The following NAA35 variants were observed in gnomAD, a reference collection of about 807,000 sequenced individuals.
The protein encoded by NAA35 is MAK10 homolog, amino-acid N-acetyltransferase subunit.
A neutral mutation model predicts 101.7 loss-of-function variants in NAA35; 18 were observed. The ratio of observed to expected loss-of-function variants is 0.18; its 90% CI spans 0.12 to 0.26. NAA35 has a LOEUF of 0.26. Among genes scored for constraint, NAA35 ranks in the 10% least tolerant of loss-of-function variants. The pLI, the probability that NAA35 is intolerant of heterozygous loss-of-function variation, is 1.00. For synonymous variants in NAA35, 267 were observed against 273.1 expected (o/e 0.98, Z 0.22); for missense variants, 601 against 886.8 (o/e 0.68, Z 4.09).
At chr9:85,954,285 G>C (rs1265680002) in intron 2 of NAA35, among the ~76,000 whole-genome samples, 1 of 152,168 alleles carries the variant, frequency 6.6e-6, no homozygotes, top group Non-Finnish European at 1.5e-5. Flanking sequence ...GTCTCACAGT[G>C]TTGCTCAGGC....
chr9:85,945,675 C>A (rs184488771), intron 2 of NAA35, among the ~76,000 whole-genome samples: 1 of 152,024 alleles, frequency 6.6e-6, no homozygotes, highest in Admixed American at 6.6e-5. Flanking sequence ...CCCGTCACCA[C>A]GCCTGGCTAA....
chr9:86,007,006 G>A (rs368275630), intron 13 of NAA35, among the ~76,000 whole-genome samples: 2 of 151,962 alleles, frequency 1.3e-5, no homozygotes. Context: ...GAGGTAAACA[G>A]GATTATCAAA....
At chr9:85,947,477 C>T (rs511395) in intron 2 of NAA35, among the ~76,000 whole-genome samples, 2,259 of 152,178 alleles carry the variant, frequency 0.015, 30 homozygotes, top group Non-Finnish European at 0.021. Flanking sequence ...AATTGTTTTC[C>T]GTGTTCTGTG....
At chr9:85,963,459 C>T (rs575990917) in intron 6 of NAA35, among the ~76,000 whole-genome samples, 1 of 151,426 alleles carries the variant, frequency 6.6e-6, no homozygotes, top group Admixed American at 6.6e-5. Flanking sequence ...AGTAGAGACC[C>T]GGTTTCACTG....
Position 85,995,302 on chromosome 9 carries a change from ATTATT to A in NAA35, c.878-1085_878-1081del, listed in dbSNP as rs199888386. On this transcript the variant is annotated intron_variant, in intron 11 of 22. Transcript: ENST00000361671. ...TTATTTATTTAAAATAATTATTTAA[ATTATT>A]TTATTTTATTTATTTAAAATAAAAA... 8.4e-3 allele frequency among the ~76,000 whole-genome samples: 1,266 copies of A among 150,122 alleles called. 23 individuals are homozygous for A. The highest frequency in any genetic ancestry group is 0.029 in the African/African-American group (1,211 of 41,300).
intron 11 of NAA35, among the ~76,000 whole-genome samples, chr9:85,978,638 C>T (rs1830313953): frequency 1.3e-5 from 2 of 152,066 alleles, no homozygotes; most frequent in Non-Finnish European, 2.9e-5. Context: ...TGTGATGTTA[C>T]AGTCTGGCAG....
At chr9:86,013,169 C>G (rs765772328) in intron 16 of NAA35, 25 bp downstream of exon 16, 3 of 1,442,752 alleles carry the variant, frequency 2.1e-6, no homozygotes, top group Non-Finnish European at 2.9e-6. Flanking sequence ...CCCCTCTCTT[C>G]TAAAATTAAA....
intron 5 of NAA35, among the ~76,000 whole-genome samples, chr9:85,961,406 C>T (rs867227938): frequency 6.6e-6 from 1 of 152,102 alleles, no homozygotes; most frequent in African/African-American, 2.4e-5. Flanking sequence ...TTGAAAATAA[C>T]CTAGTATAAT....
At chr9:85,965,590 TTTTA>T (rs1391007606) in intron 6 of NAA35, among the ~76,000 whole-genome samples, 2 of 152,018 alleles carry the variant, frequency 1.3e-5, no homozygotes, top group African/African-American at 4.8e-5. Flanking sequence ...GATTGTGCTA[TTTTA>T]CTCCAGTTTG....
intron 6 of NAA35, among the ~76,000 whole-genome samples, chr9:85,965,487 G>T (rs1829704441): frequency 6.6e-6 from 1 of 152,092 alleles, no homozygotes; most frequent in Non-Finnish European, 1.5e-5. Flanking sequence ...AATTAGCTGG[G>T]TGTGGTGCTG....
At chr9:85,975,684 A>G (rs931871788) in intron 8 of NAA35, among the ~76,000 whole-genome samples, 2 of 152,250 alleles carry the variant, frequency 1.3e-5, no homozygotes, top group African/African-American at 4.8e-5. Context: ...AGAGATGAGT[A>G]TATTAAAATT....
intron 10 of NAA35, among the ~76,000 whole-genome samples, chr9:85,977,910 A>G (rs1458705068): frequency 6.6e-6 from 1 of 151,596 alleles, no homozygotes; most frequent in African/African-American, 2.4e-5. Flanking sequence ...CACTAATTTA[A>G]TTTCTGTAAT....
chr9:86,019,747 C>T (rs10868362), intron 21 of NAA35, among the ~76,000 whole-genome samples: 6,956 of 152,220 alleles, frequency 0.046, 210 homozygotes, highest in Middle Eastern at 0.075. Flanking sequence ...TCCATAGAGG[C>T]GTAGCTTAGC....
chr9:86,001,275 T>C (rs1831407243), intron 12 of NAA35, among the ~76,000 whole-genome samples: 1 of 152,188 alleles, frequency 6.6e-6, no homozygotes, highest in Admixed American at 6.5e-5. Flanking sequence ...TTCAGTTCTT[T>C]TACATTTGTT....
At chr9:86,016,467 C>CTCGTT (rs1554778989) in intron 17 of NAA35, 72 bp from the exon 18 acceptor site, 1 of 1,288,820 alleles carries the variant, frequency 7.8e-7, no homozygotes, top group Non-Finnish European at 1.1e-6. Flanking sequence ...AAATATCTAT[C>CTCGTT]GTTAATATAT....
chr9:85,959,159 G>A (rs933806931), intron 4 of NAA35, among the ~76,000 whole-genome samples: 4 of 151,884 alleles, frequency 2.6e-5, no homozygotes, highest in African/African-American at 9.7e-5. Context: ...GGTGGATCAC[G>A]AGGTCAGGAG....
chr9:85,941,560 T>A, intron 1 of NAA35: 1 of 985,830 alleles, frequency 1.0e-6, no homozygotes, highest in Non-Finnish European at 1.2e-6. Context: ...GGGGCTGGGC[T>A]GGGCTGACCC....
At chr9:86,018,480 A>G (rs1220970865) in intron 20 of NAA35, 85 bp downstream of exon 20, 23 of 1,441,154 alleles carry the variant, frequency 1.6e-5, no homozygotes, top group African/African-American at 2.9e-5. Flanking sequence ...CCATCTTGTT[A>G]CATTAACAGT....
In NAA35 at chr9:85,941,253, G is replaced by C. The variant is rs1828497688; in HGVS notation, c.-26G>C. 1 of 985,754 alleles carries C rather than the reference G, an allele frequency of 1.0e-6. No individual in the cohort carries two copies. Among genetic ancestry groups the C allele is most frequent in the South Asian group, 4.7e-5 (1 of 21,418 alleles). The allele number at this position is 985,754 out of a possible 1,614,324, so 61.1% of individuals were successfully genotyped here. A position where few individuals can be genotyped will look rare whatever the true frequency, so the allele number is the denominator to read the frequency against. On this transcript the variant is annotated 5_prime_UTR_variant, in exon 1 of 23. Coordinates refer to ENST00000361671, the MANE Select transcript of NAA35 (RefSeq NM_024635.4). ...TGGTCCGGACAGTGCGTGGCGGCGCGGGTGACCACGGGAGAAGTAGGTAGG... is the reference window on the plus strand; with the variant it reads ...TGGTCCGGACAGTGCGTGGCGGCGCCGGTGACCACGGGAGAAGTAGGTAGG...
Sources: allele counts gnomAD v4.1 joint callset (sites outside exome capture counted in the v4.1 genomes callset), GRCh38; gene constraint gnomAD v4.1.1; transcripts MANE v1.5; gene names NCBI Gene and HGNC (gene_info 2026-07-23, HGNC 2026-07-21).